REV1: variants seen among roughly 807,000 people sequenced by gnomAD.
The protein encoded by REV1 is translesion synthesis protein REV1.
Under a neutral mutation model 137.4 loss-of-function variants are expected in REV1, and 42 were observed. That is an observed-to-expected ratio of 0.31 (90% confidence interval 0.24 to 0.40). REV1 has a LOEUF of 0.40. REV1 is among the 10% of genes least tolerant of loss of function. The pLI is 1.00. For missense variants in REV1, 1,282 were observed against 1,490.1 expected (o/e 0.86, Z 2.30); for synonymous variants, 524 against 519.2 (o/e 1.01, Z -0.12).
chr2:99,463,037 G>A (rs1276305914), intron 2 of REV1, among the ~76,000 whole-genome samples: 1 of 151,358 alleles, frequency 6.6e-6, no homozygotes, highest in Non-Finnish European at 1.5e-5. Flanking sequence ...GCAGTGAGGT[G>A]AGATGGCGCC....
Position 99,447,987 on chromosome 2 carries a change from T to C in REV1, c.350+1349A>G, listed in dbSNP as rs189696740. Among the ~76,000 whole-genome samples, 85 of 152,278 alleles carry C rather than the reference T, an allele frequency of 5.6e-4. 3 individuals carry two copies. The East Asian group carries it at 0.015, about 27-fold the overall frequency. On this transcript the variant is annotated intron_variant, in intron 4 of 22. Transcript: ENST00000258428. ...CTGGGATTACAGGCATGAGCCACCA[T>C]GCCCGGCCAAGCATAAAGTTTCTAA... is the stretch of plus-strand genomic sequence containing the variant.
chr2:99,475,153 G>A (rs1387459517), intron 1 of REV1, among the ~76,000 whole-genome samples: 1 of 152,206 alleles, frequency 6.6e-6, no homozygotes, highest in Non-Finnish European at 1.5e-5. Context: ...GTTTTGCCAT[G>A]AGAGTACAAG....
At chr2:99,451,332 A>T in intron 3 of REV1, 1 of 1,234,086 alleles carries the variant, frequency 8.1e-7, no homozygotes, top group Non-Finnish European at 1.0e-6. Flanking sequence ...ATACATACTC[A>T]TAAAGTACTC....
chr2:99,421,778 G>A (rs1293412213), intron 10 of REV1, 125 bp from the exon 11 acceptor site: 2 of 1,036,968 alleles, frequency 1.9e-6, no homozygotes, highest in Non-Finnish European at 2.7e-6. Flanking sequence ...TAAATGAATT[G>A]GCTGAAGTAC....
chr2:99,428,861 G>A (rs904185635), intron 9 of REV1, among the ~76,000 whole-genome samples: 9 of 152,060 alleles, frequency 5.9e-5, no homozygotes, highest in South Asian at 2.1e-4. Context: ...GTGTGGTGGC[G>A]AGCACCTGTA....
intron 1 of REV1, among the ~76,000 whole-genome samples, chr2:99,484,184 T>C (rs10176205): frequency 0.16 from 24,706 of 152,068 alleles, 2,521 homozygotes; most frequent in African/African-American, 0.27. Flanking sequence ...TGAGAACTCA[T>C]GAACGCAAAG....
intron 12 of REV1, among the ~76,000 whole-genome samples, chr2:99,416,400 C>T (rs1575019515): frequency 6.6e-6 from 1 of 152,150 alleles, no homozygotes; most frequent in East Asian, 1.9e-4. Flanking sequence ...CACTTCAGGA[C>T]AGGAGTAACA....
chr2:99,442,145 G>C (rs181884448), intron 5 of REV1, among the ~76,000 whole-genome samples, 172 bp downstream of exon 5: 1 of 151,494 alleles, frequency 6.6e-6, no homozygotes, highest in African/African-American at 2.4e-5. Flanking sequence ...CTAGCTACTC[G>C]GGAGGCTGAG....
intron 1 of REV1, among the ~76,000 whole-genome samples, chr2:99,475,636 G>A (rs1391196535): frequency 1.3e-5 from 2 of 152,050 alleles, no homozygotes; most frequent in Admixed American, 6.6e-5. Flanking sequence ...GCAGTGAGCC[G>A]AGATTGAGCC....
At chr2:99,404,383 A>G (rs1574967910) in intron 18 of REV1, 61 bp downstream of exon 18, 1 of 1,400,432 alleles carries the variant, frequency 7.1e-7, no homozygotes, top group Non-Finnish European at 1.0e-6. Context: ...ACAGGTCCTA[A>G]GTTGGAGCAG....
intron 1 of REV1, among the ~76,000 whole-genome samples, chr2:99,471,154 GGT>G (rs1229360358): frequency 6.6e-6 from 1 of 152,054 alleles, no homozygotes; most frequent in Non-Finnish European, 1.5e-5. Flanking sequence ...ATTTGCCTTT[GGT>G]GCCCTGCCAT....
chr2:99,439,196 G>A lies in REV1; in HGVS notation c.618C>T (p.Thr206=). ...TTCCATTCTGTTTCCTTCCCGGAGA[G>A]GTCTGCTCCAGATCCACAAAACTAA... ...NDFSFVDLEQ[T]SPGRKQNGIP... Residue 206 remains threonine (T), a synonymous_variant, in exon 6 of 23, where the codon ACC becomes ACT. Transcript: ENST00000258428. The A allele has an allele frequency of 6.2e-7, 1 of 1,614,068 alleles. No individual in the cohort carries two copies. Among genetic ancestry groups the A allele is most frequent in the Non-Finnish European group, 8.5e-7 (1 of 1,179,966 alleles).
chr2:99,458,391 G>C (rs1354604301), intron 3 of REV1, among the ~76,000 whole-genome samples: 1 of 152,160 alleles, frequency 6.6e-6, no homozygotes, highest in Non-Finnish European at 1.5e-5. Context: ...ATCACAAAGA[G>C]ATACAACACC....
rs1229121634 is a variant in REV1 at position 99,402,780 on chromosome 2, A to G, written c.3405T>C (p.Thr1135=). Residue 1135 remains threonine, a synonymous_variant, in exon 21 of 23, where the codon ACT becomes ACC. Transcript: ENST00000258428. ...EKPLEELSAS[T]SGVPGLSSLQ... is the part of the protein sequence containing the mutation. ...AACTAGAAAGGCCTGGCACACCTGAAGTAGAAGCAGAGAGTTCTTCCTGTT... is the reference window on the plus strand; with the variant it reads ...AACTAGAAAGGCCTGGCACACCTGAGGTAGAAGCAGAGAGTTCTTCCTGTT... The G allele has an allele frequency of 1.9e-6, 3 of 1,614,228 alleles. No individual in the cohort carries two copies. The highest frequency in any genetic ancestry group is 2.5e-6 in the Non-Finnish European group (3 of 1,180,044).
At chr2:99,449,313 TA>T in intron 4 of REV1, 22 bp downstream of exon 4, 1 of 1,352,666 alleles carries the variant, frequency 7.4e-7, no homozygotes, top group Non-Finnish European at 9.9e-7. Context: ...ATTTATTAAT[TA>T]AATTTAATAA....
chr2:99,419,696 A>G (rs4535093), intron 11 of REV1, among the ~76,000 whole-genome samples: 93,772 of 152,016 alleles, frequency 0.62, 29,678 homozygotes, highest in African/African-American at 0.74. Flanking sequence ...TCCTCAAAAC[A>G]CAGAGACAGG....
intron 12 of REV1, among the ~76,000 whole-genome samples, chr2:99,417,558 G>A (rs1239073912): frequency 3.9e-5 from 6 of 152,172 alleles, no homozygotes; most frequent in Admixed American, 6.5e-5. Context: ...AGATCAGGAC[G>A]GAGACATGCA....
intron 18 of REV1, 54 bp downstream of exon 18, chr2:99,404,390 G>T: frequency 6.9e-7 from 1 of 1,452,806 alleles, no homozygotes; most frequent in Non-Finnish European, 9.6e-7. Context: ...CTAAGTTGGA[G>T]CAGGGGGGTG....
intron 3 of REV1, 93 bp downstream of exon 3, chr2:99,462,403 T>A: frequency 8.4e-7 from 1 of 1,183,926 alleles, no homozygotes; most frequent in Non-Finnish European, 1.2e-6. Context: ...CATTTGTCTA[T>A]AATAAATGAG....
Sources: allele counts gnomAD v4.1 joint callset (sites outside exome capture counted in the v4.1 genomes callset), GRCh38; gene constraint gnomAD v4.1.1; transcripts MANE v1.5; gene names NCBI Gene and HGNC (gene_info 2026-07-23, HGNC 2026-07-21).